The following SPINK6 variants were observed in gnomAD, a reference collection of about 807,000 sequenced individuals.
The protein encoded by SPINK6 is serine protease inhibitor Kazal-type 6.
A neutral mutation model predicts 11.7 loss-of-function variants in SPINK6; 13 were observed. That is an observed-to-expected ratio of 1.11 (90% confidence interval 0.72 to 1.76). The LOEUF (loss-of-function observed/expected upper bound fraction) is 1.76. Among genes scored for constraint, SPINK6 ranks in the 40% most tolerant of loss-of-function variants. The probability of loss-of-function intolerance (pLI) is 0.00; values close to 1 mark genes in which losing one functional copy is unlikely to be tolerated. For synonymous variants in SPINK6, 21 were observed against 31.9 expected (o/e 0.66, Z 1.15); for missense variants, 98 against 93.7 (o/e 1.05, Z -0.19).
intron 2 of SPINK6, among the ~76,000 whole-genome samples, chr5:148,212,374 T>G (rs902259930): frequency 3.4e-5 from 5 of 149,150 alleles, no homozygotes; most frequent in African/African-American, 1.2e-4. Flanking sequence ...GATGCACCTA[T>G]AATCTTAGTG....
chr5:148,212,512 A>T (rs1343503565), intron 2 of SPINK6, among the ~76,000 whole-genome samples: 1 of 125,506 alleles, frequency 8.0e-6, no homozygotes, highest in African/African-American at 3.0e-5. Context: ...TATATATTTT[A>T]TATATATAAA....
rs188926571 is a variant in SPINK6, at chr5:148,204,701, A to G, written c.59-1335A>G. 4.6e-5 allele frequency among the ~76,000 whole-genome samples: 7 copies of G among 152,180 alleles called. No homozygotes were observed. In the East Asian group the frequency reaches 1.2e-3, roughly 25 times the overall value. On this transcript the variant is annotated intron_variant, in intron 1 of 3. Transcript: ENST00000325630. Reference sequence around the variant, plus strand: ...ATGCTTAACATAGTGGATGGGGTATAGTGCATGTTTAACAAATGTCTATTA... The same window carrying G: ...ATGCTTAACATAGTGGATGGGGTATGGTGCATGTTTAACAAATGTCTATTA...
intron 2 of SPINK6, among the ~76,000 whole-genome samples, chr5:148,213,057 C>CTA (rs1197632991): frequency 1.3e-5 from 2 of 149,734 alleles, no homozygotes; most frequent in African/African-American, 4.9e-5. Flanking sequence ...TATACATATC[C>CTA]TATATATATT....
chr5:148,209,991 T>TACACACGTACATATGTATGTATAC (rs1398978551), intron 2 of SPINK6, among the ~76,000 whole-genome samples: 1 of 145,404 alleles, frequency 6.9e-6, no homozygotes, highest in Non-Finnish European at 1.5e-5. Context: ...TATGTATACA[T>TACACACGTACATATGTATGTATAC]ATACACGTAT....
At chr5:148,212,668 AT>A (rs922009706) in intron 2 of SPINK6, among the ~76,000 whole-genome samples, 4 of 112,066 alleles carry the variant, frequency 3.6e-5, no homozygotes, top group African/African-American at 1.4e-4. Flanking sequence ...TTATATATTT[AT>A]ATAATATATA....
chr5:148,204,160 T>A (rs926902983), intron 1 of SPINK6, among the ~76,000 whole-genome samples: 2 of 152,030 alleles, frequency 1.3e-5, no homozygotes, highest in Non-Finnish European at 2.9e-5. Flanking sequence ...TCAATGAGAT[T>A]TAGCTGATAG....
rs555991295 is a variant in SPINK6, at chr5:148,210,057, T to C, written c.82-3853T>C. On this transcript the variant is annotated intron_variant, in intron 2 of 3. Transcript: ENST00000325630. ...ACAAACGTATGTATGCATATATGTATGTATATGTATGTATGCATATATGTA... is the reference window on the plus strand; with the variant it reads ...ACAAACGTATGTATGCATATATGTACGTATATGTATGTATGCATATATGTA... Among the ~76,000 whole-genome samples the C allele has an allele frequency of 1.5e-3, 155 of 106,884 alleles. 4 individuals carry two copies. Among genetic ancestry groups the C allele is most frequent in the African/African-American group, 4.3e-3 (151 of 34,908 alleles). The allele number at this position is 106,884 out of a possible 152,430, so 70.1% of individuals were successfully genotyped here.
chr5:148,211,194 G>C (rs535250609), intron 2 of SPINK6, among the ~76,000 whole-genome samples: 28 of 152,246 alleles, frequency 1.8e-4, no homozygotes, highest in African/African-American at 5.8e-4. Flanking sequence ...ATGTCTCATA[G>C]AGTGAGTTTA....
At chr5:148,213,531 G>A (rs1264072807) in intron 2 of SPINK6, among the ~76,000 whole-genome samples, 1 of 152,022 alleles carries the variant, frequency 6.6e-6, no homozygotes, top group Non-Finnish European at 1.5e-5. Context: ...CAGGAGTACT[G>A]TTAGAGCACA....
intron 2 of SPINK6, among the ~76,000 whole-genome samples, chr5:148,211,259 T>C (rs553313864): frequency 1.3e-5 from 2 of 152,174 alleles, no homozygotes; most frequent in African/African-American, 4.8e-5. Context: ...GCTATTTCTC[T>C]TATCCAGCTG....
At chr5:148,209,342 T>C (rs1283640992) in intron 2 of SPINK6, among the ~76,000 whole-genome samples, 3 of 152,212 alleles carry the variant, frequency 2.0e-5, no homozygotes, top group African/African-American at 4.8e-5. Context: ...GAGCTTTCCG[T>C]GGCTGCATAC....
intron 2 of SPINK6, 54 bp downstream of exon 2, chr5:148,206,112 T>A: frequency 6.2e-7 from 1 of 1,603,414 alleles, no homozygotes; most frequent in Non-Finnish European, 8.5e-7. Flanking sequence ...TGGCTTGATC[T>A]TCACTGGCCA....
chr5:148,208,408 A>G (rs775265099), intron 2 of SPINK6, among the ~76,000 whole-genome samples: 51 of 152,234 alleles, frequency 3.4e-4, no homozygotes, highest in Non-Finnish European at 7.2e-4. Context: ...CATTAGGAGC[A>G]TGCTTGCTCA....
chr5:148,212,630 A>T (rs1755622965), intron 2 of SPINK6, among the ~76,000 whole-genome samples: 1 of 107,640 alleles, frequency 9.3e-6, no homozygotes, highest in Non-Finnish European at 1.7e-5. Flanking sequence ...TATATATTAT[A>T]TATTATATAT....
At chr5:148,207,113 CTG>C (rs1755510277) in intron 2 of SPINK6, among the ~76,000 whole-genome samples, 1 of 151,782 alleles carries the variant, frequency 6.6e-6, no homozygotes, top group Admixed American at 6.6e-5. Context: ...TCATATGAAA[CTG>C]TATACCTTCA....
intron 2 of SPINK6, among the ~76,000 whole-genome samples, chr5:148,211,395 T>C (rs753140179): frequency 1.5e-4 from 23 of 152,340 alleles, no homozygotes; most frequent in South Asian, 4.1e-4. Flanking sequence ...TGATTTTCTA[T>C]GAGTTACAGA....
intron 2 of SPINK6, among the ~76,000 whole-genome samples, chr5:148,213,237 C>A (rs1377388280): frequency 1.3e-5 from 2 of 151,158 alleles, no homozygotes; most frequent in African/African-American, 2.4e-5. Context: ...TGTTTGACGG[C>A]GTCTCAGTCT....
intron 2 of SPINK6, among the ~76,000 whole-genome samples, chr5:148,213,330 G>C (rs1755638339): frequency 1.3e-5 from 2 of 151,964 alleles, no homozygotes. Flanking sequence ...TCCTGCCTCA[G>C]CCTCCCGAGG....
chr5:148,204,257 ATAT>A (rs909834340), intron 1 of SPINK6, among the ~76,000 whole-genome samples: 2 of 152,058 alleles, frequency 1.3e-5, no homozygotes, highest in African/African-American at 4.8e-5. Context: ...GATTCCTGTG[ATAT>A]TATGGAGTAA....
Sources: allele counts gnomAD v4.1 joint callset (sites outside exome capture counted in the v4.1 genomes callset), GRCh38; gene constraint gnomAD v4.1.1; transcripts MANE v1.5; gene names NCBI Gene and HGNC (gene_info 2026-07-23, HGNC 2026-07-21).